CNTNAP2: variants seen among roughly 807,000 people sequenced by gnomAD.
CNTNAP2 encodes contactin-associated protein-like 2.
In CNTNAP2, 98 loss-of-function variants were observed where a neutral mutation model predicts 155.2. The observed-to-expected ratio is 0.63, with a 90% CI of 0.54 to 0.75. CNTNAP2 has a LOEUF of 0.75. CNTNAP2 is among the 30% of genes least tolerant of loss of function. The probability of loss-of-function intolerance (pLI) is 0.00; values close to 1 mark genes in which losing one functional copy is unlikely to be tolerated. For synonymous variants in CNTNAP2, 651 were observed against 631.2 expected, an observed-to-expected ratio of 1.03 and a Z score of -0.47; for missense variants, 1,727 against 1,688.1, an observed-to-expected ratio of 1.02 and a Z score of -0.40.
At chr7:147,008,934 G>A (rs1798574810) in intron 3 of CNTNAP2, among the ~76,000 whole-genome samples, 1 of 151,582 alleles carries the variant, frequency 6.6e-6, no homozygotes, top group Non-Finnish European at 1.5e-5. Flanking sequence ...TAGATAGGGG[G>A]AGGGCAGAGA....
intron 13 of CNTNAP2, among the ~76,000 whole-genome samples, chr7:147,740,587 G>A (rs17170655): frequency 0.011 from 1,668 of 152,288 alleles, 94 homozygotes; most frequent in Admixed American, 0.087. Flanking sequence ...TTAGTCCAAG[G>A]TAGGGTTTAT....
intron 13 of CNTNAP2, among the ~76,000 whole-genome samples, chr7:147,727,551 G>A (rs6464838): frequency 0.39 from 59,284 of 151,768 alleles, 13,924 homozygotes; most frequent in African/African-American, 0.65. Flanking sequence ...TTATTATGTA[G>A]TAGGGACTGT....
intron 3 of CNTNAP2, among the ~76,000 whole-genome samples, chr7:146,856,139 A>G (rs1794977749): frequency 6.6e-6 from 1 of 152,016 alleles, no homozygotes; most frequent in Non-Finnish European, 1.5e-5. Flanking sequence ...AACCTGGACA[A>G]TTTGAACACC....
chr7:147,035,683 CT>C (rs201305541), intron 3 of CNTNAP2, among the ~76,000 whole-genome samples: 22 of 151,962 alleles, frequency 1.4e-4, no homozygotes, highest in African/African-American at 4.8e-4. Context: ...GTTTTAGGCA[CT>C]TTTTTTTAGT....
intron 3 of CNTNAP2, among the ~76,000 whole-genome samples, chr7:146,946,866 T>A (rs1797187605): frequency 6.6e-6 from 1 of 152,036 alleles, no homozygotes; most frequent in African/African-American, 2.4e-5. Context: ...TAGAAAAAGA[T>A]CATTATTTAA....
chr7:146,930,140 A>G (rs1294312603), intron 3 of CNTNAP2, among the ~76,000 whole-genome samples: 1 of 152,072 alleles, frequency 6.6e-6, no homozygotes, highest in African/African-American at 2.4e-5. Flanking sequence ...ATAATTGTCA[A>G]TTCACCAAAG....
chr7:146,423,611 C>G (rs1342471052), intron 1 of CNTNAP2, among the ~76,000 whole-genome samples: 1 of 152,174 alleles, frequency 6.6e-6, no homozygotes, highest in African/African-American at 2.4e-5. Context: ...AAACTAGTGA[C>G]AGTAACATAT....
chr7:147,612,762 T>G (rs1420790560), intron 12 of CNTNAP2, among the ~76,000 whole-genome samples: 1 of 152,218 alleles, frequency 6.6e-6, no homozygotes, highest in African/African-American at 2.4e-5. Context: ...TTTATTGATA[T>G]CTGTGTTCTT....
chr7:147,652,881 TTTTTGTTG>T (rs1434234358), intron 13 of CNTNAP2, among the ~76,000 whole-genome samples: 1 of 152,194 alleles, frequency 6.6e-6, no homozygotes, highest in African/African-American at 2.4e-5. Context: ...AAACTTTATT[TTTTTGTTG>T]TTTTGTTAAG....
At position 147,399,100 on chromosome 7, in the gene CNTNAP2, G is replaced by A. The variant is rs147377805; in HGVS notation, c.1670+3320G>A. Among the ~76,000 whole-genome samples, 267 of 152,194 alleles carry A rather than the reference G, an allele frequency of 1.8e-3. 2 individuals are homozygous for A. Among genetic ancestry groups the A allele is most frequent in the African/African-American group, 6.0e-3 (251 of 41,534 alleles). On this transcript the variant is annotated intron_variant, in intron 10 of 23. Coordinates refer to ENST00000361727, the MANE Select transcript of CNTNAP2 (RefSeq NM_014141.6). Reference sequence around the variant, plus strand: ...CCCAGAGAGCACAGGCAACGAAAGAGGCACTTGCATGATCCAGGATCAGTA... The same window carrying A: ...CCCAGAGAGCACAGGCAACGAAAGAAGCACTTGCATGATCCAGGATCAGTA...
intron 1 of CNTNAP2, among the ~76,000 whole-genome samples, chr7:146,428,377 T>TG (rs1796123572): frequency 6.6e-6 from 1 of 151,042 alleles, no homozygotes; most frequent in African/African-American, 2.5e-5. Flanking sequence ...GTAAAAGCAT[T>TG]CCTTTTTTTA....
intron 1 of CNTNAP2, among the ~76,000 whole-genome samples, chr7:146,726,533 G>A (rs987674022): frequency 2.0e-5 from 3 of 152,038 alleles, no homozygotes; most frequent in Middle Eastern, 6.8e-3. Flanking sequence ...TTGTTTAGGT[G>A]GGCAATTAGA....
chr7:147,840,596 A>G (rs575113673), intron 13 of CNTNAP2, among the ~76,000 whole-genome samples: 1 of 152,318 alleles, frequency 6.6e-6, no homozygotes, highest in African/African-American at 2.4e-5. Context: ...TGCAGAATCA[A>G]AGGATCTTAA....
intron 1 of CNTNAP2, among the ~76,000 whole-genome samples, chr7:146,412,976 AC>A (rs1256566487): frequency 6.6e-6 from 1 of 151,874 alleles, no homozygotes; most frequent in Non-Finnish European, 1.5e-5. Context: ...GAAAATGAAG[AC>A]CCCCCTCAGT....
At chr7:147,068,329 C>T (rs1309651087) in intron 4 of CNTNAP2, among the ~76,000 whole-genome samples, 1 of 152,110 alleles carries the variant, frequency 6.6e-6, no homozygotes, top group Non-Finnish European at 1.5e-5. Flanking sequence ...AGATTAAACT[C>T]CATAATAAAT....
intron 21 of CNTNAP2, among the ~76,000 whole-genome samples, chr7:148,273,461 G>A (rs1337619605): frequency 6.6e-6 from 1 of 152,196 alleles, no homozygotes; most frequent in Non-Finnish European, 1.5e-5. Context: ...TGTTTCCAAG[G>A]TGGCAATATG....
At chr7:146,377,710 A>G (rs530318725) in intron 1 of CNTNAP2, among the ~76,000 whole-genome samples, 1 of 152,364 alleles carries the variant, frequency 6.6e-6, no homozygotes, top group East Asian at 1.9e-4. Flanking sequence ...AAAGCCTGGA[A>G]TAAGAGTCTT....
intron 1 of CNTNAP2, among the ~76,000 whole-genome samples, chr7:146,701,282 A>G (rs1225576662): frequency 6.6e-6 from 1 of 152,116 alleles, no homozygotes; most frequent in African/African-American, 2.4e-5. Flanking sequence ...AGACCTCCAG[A>G]TGCCCCTCAT....
intron 1 of CNTNAP2, among the ~76,000 whole-genome samples, chr7:146,664,708 A>C (rs1800160367): frequency 6.6e-6 from 1 of 152,164 alleles, no homozygotes; most frequent in Non-Finnish European, 1.5e-5. Context: ...GATTGTTTAG[A>C]GGTAGTAATA....
Sources: gnomAD v4.1 joint callset for allele counts (sites outside exome capture counted in the v4.1 genomes callset) on GRCh38, gnomAD v4.1.1 for gene constraint, MANE v1.5 for transcripts, NCBI Gene and HGNC (gene_info 2026-07-23, HGNC 2026-07-21) for gene names.